ASCL5: variants seen among roughly 807,000 people sequenced by gnomAD.
ASCL5 encodes achaete-scute family bHLH transcription factor 5.
For synonymous variants in ASCL5, 124 were observed against 131.5 expected, an observed-to-expected ratio of 0.94 and a Z score of 0.39; for missense variants, 262 against 268.9, an observed-to-expected ratio of 0.97 and a Z score of 0.18.
At chr1:201,117,698 C>T (rs568742101) in intron 1 of ASCL5, among the ~76,000 whole-genome samples, 1 of 152,304 alleles carries the variant, frequency 6.6e-6, no homozygotes, top group African/African-American at 2.4e-5. Flanking sequence ...ATCCTTGATT[C>T]CAGCTCCTGC....
Position 201,124,941 on chromosome 1 carries a change from C to T in ASCL5, c.-506+2143G>A, listed in dbSNP as rs138353786. The stretch of plus-strand genomic sequence containing the variant: ...CTGGTGGCTGAGGCCCTCGCAGCTC[C>T]CTCTGTGTGCAGGCTGTCACTGGGA... On this transcript the variant is annotated intron_variant, in intron 1 of 1. Coordinates refer to ENST00000449188, the MANE Select transcript of ASCL5 (RefSeq NM_001270601.2). Among the ~76,000 whole-genome samples, 240 of 152,300 alleles carry T rather than the reference C, an allele frequency of 1.6e-3. 1 individual carries two copies. The East Asian group carries it at 0.017, about 11-fold the overall frequency.
In ASCL5 at chr1:201,121,245, A is replaced by AC. The variant is rs1432229192; in HGVS notation, c.-505-5369dup. 2.0e-5 allele frequency among the ~76,000 whole-genome samples: 3 copies of AC among 152,368 alleles called. No homozygotes were observed. The East Asian group carries it at 5.8e-4, about 29-fold the overall frequency. ...ACACTTAAAAAATGGTCTTAAGCCC[A>AC]CTAACATCAAATAGAATACACTTCA... On this transcript the variant is annotated intron_variant, in intron 1 of 1. Coordinates refer to ENST00000449188, the MANE Select transcript of ASCL5 (RefSeq NM_001270601.2).
chr1:201,120,762 C>T (rs1227253599), intron 1 of ASCL5, among the ~76,000 whole-genome samples: 1 of 152,218 alleles, frequency 6.6e-6, no homozygotes, highest in Admixed American at 6.5e-5. Context: ...GAACATGTCT[C>T]TTTCAACAGG....
At chr1:201,124,457 C>G (rs1302960368) in intron 1 of ASCL5, among the ~76,000 whole-genome samples, 5 of 152,216 alleles carry the variant, frequency 3.3e-5, no homozygotes, top group African/African-American at 4.8e-5. Flanking sequence ...GCCCTGGGGC[C>G]CATATTATTG....
rs1017245529 is a variant in ASCL5, at chr1:201,115,435, C to T, written c.-63G>A. ...CCGAATGGCCCCGGCTTGGGGTCTGCACCGTCTCCACCAGTGGGGCAAGTC... is the reference window on the plus strand; with the variant it reads ...CCGAATGGCCCCGGCTTGGGGTCTGTACCGTCTCCACCAGTGGGGCAAGTC... On this transcript the variant is annotated 5_prime_UTR_variant, in exon 2 of 2. Coordinates refer to ENST00000449188, the MANE Select transcript of ASCL5 (RefSeq NM_001270601.2). 5 of 1,210,680 alleles carry T rather than the reference C, an allele frequency of 4.1e-6. No homozygotes were observed. The Admixed American group carries it at 2.1e-4, about 51-fold the overall frequency. The allele number at this position is 1,210,680 out of a possible 1,614,324, so 75.0% of individuals were successfully genotyped here.
Position 201,114,487 on chromosome 1 carries a change from G to A in ASCL5, c.*265C>T, listed in dbSNP as rs911140960. On this transcript the variant is annotated 3_prime_UTR_variant, in exon 2 of 2. Coordinates refer to ENST00000449188, the MANE Select transcript of ASCL5 (RefSeq NM_001270601.2). ...CCCTCTGCACCCCGGAGGGGACGCA[G>A]GACGCCCGGAGCAGTCCCAGGCCCT... 5 of 316,684 alleles carry A rather than the reference G, an allele frequency of 1.6e-5. No homozygotes were observed. The highest frequency in any genetic ancestry group is 2.3e-5 in the Non-Finnish European group (4 of 174,332). The allele number at this position is 316,684 out of a possible 1,614,324, so 19.6% of individuals were successfully genotyped here.
In ASCL5 at chr1:201,114,896, G is replaced by A. The variant is rs1663302950; in HGVS notation, c.477C>T (p.Pro159=). 4.1e-6 allele frequency: 5 copies of A among 1,229,746 alleles called. No homozygotes were observed. Among genetic ancestry groups the A allele is most frequent in the Middle Eastern group, 3.1e-4 (1 of 3,202 alleles). 76.2% of individuals were successfully genotyped at this position (1,229,746 alleles called of 1,614,324 possible). A position where few individuals can be genotyped will look rare whatever the true frequency, so the allele number is the denominator to read the frequency against. Residue 159 remains proline, a synonymous_variant, in exon 2 of 2, where the codon CCC becomes CCT. Coordinates refer to ENST00000449188, the MANE Select transcript of ASCL5 (RefSeq NM_001270601.2). ...PASRGLPGTG[P]CPAPPATPRP... ...GGGGGGTGGCGGGCGGCGCGGGGCA[G>A]GGCCCGGTGCCCGGGAGGCCGCGGG...
At chr1:201,124,953 G>A (rs985882607) in intron 1 of ASCL5, among the ~76,000 whole-genome samples, 1 of 152,168 alleles carries the variant, frequency 6.6e-6, no homozygotes, top group Non-Finnish European at 1.5e-5. Flanking sequence ...TCTGTGTGCA[G>A]GCTGTCACTG....
At chr1:201,121,223 C>CT (rs1663452215) in intron 1 of ASCL5, among the ~76,000 whole-genome samples, 1 of 152,230 alleles carries the variant, frequency 6.6e-6, no homozygotes, top group Non-Finnish European at 1.5e-5. Flanking sequence ...CCACAGAACA[C>CT]TTAAAAAATG....
chr1:201,116,629 C>T (rs1663354320), intron 1 of ASCL5, among the ~76,000 whole-genome samples: 1 of 152,194 alleles, frequency 6.6e-6, no homozygotes, highest in East Asian at 1.9e-4. Context: ...ACTGATTACA[C>T]GTAGCCTTTC....
At chr1:201,117,309 GC>G (rs1663368758) in intron 1 of ASCL5, among the ~76,000 whole-genome samples, 1 of 152,038 alleles carries the variant, frequency 6.6e-6, no homozygotes, top group African/African-American at 2.4e-5. Flanking sequence ...AATGGTGGGT[GC>G]CTGTAATCCC....
Position 201,114,665 on chromosome 1 carries a change from C to T in ASCL5, c.*87G>A. ...ACAGTCACCGTCCTGCGGCGCATCG[C>T]GGGTGACCCAACAGCCTCCCGCTGC... On this transcript the variant is annotated 3_prime_UTR_variant, in exon 2 of 2. Coordinates refer to ENST00000449188, the MANE Select transcript of ASCL5 (RefSeq NM_001270601.2). The T allele has an allele frequency of 2.6e-6, 3 of 1,143,880 alleles. No homozygotes were observed. The highest frequency in any genetic ancestry group is 6.6e-4 in the Middle Eastern group (2 of 3,020). 70.9% of individuals were successfully genotyped at this position (1,143,880 alleles called of 1,614,324 possible).
At chr1:201,120,109 A>G (rs16847768) in intron 1 of ASCL5, among the ~76,000 whole-genome samples, 9,202 of 152,196 alleles carry the variant, frequency 0.06, 920 homozygotes, top group African/African-American at 0.21. Flanking sequence ...TGTACCATGT[A>G]CAGTTAGTTT....
intron 1 of ASCL5, among the ~76,000 whole-genome samples, chr1:201,123,583 G>T (rs1367220808): frequency 6.6e-6 from 1 of 152,196 alleles, no homozygotes; most frequent in Non-Finnish European, 1.5e-5. Flanking sequence ...GCTGATAAAT[G>T]TTGACCTGGG....
chr1:201,126,469 G>C (rs1238803118), intron 1 of ASCL5, among the ~76,000 whole-genome samples: 2 of 152,176 alleles, frequency 1.3e-5, no homozygotes, highest in Admixed American at 1.3e-4. Flanking sequence ...GCTTAAGTGA[G>C]TTTAAGGGGG....
At chr1:201,124,083 T>G (rs1663532770) in intron 1 of ASCL5, among the ~76,000 whole-genome samples, 1 of 152,174 alleles carries the variant, frequency 6.6e-6, no homozygotes, top group Non-Finnish European at 1.5e-5. Context: ...TCAAGAGTGT[T>G]TCTGAATGCT....
rs1483423738 is a variant in ASCL5, at chr1:201,114,926, G to A, written c.447C>T (p.Pro149=). The A allele has an allele frequency of 1.6e-6, 2 of 1,230,532 alleles. No individual in the cohort carries two copies. The highest frequency in any genetic ancestry group is 3.1e-5 in the African/African-American group (2 of 64,364). 76.2% of individuals were successfully genotyped at this position (1,230,532 alleles called of 1,614,324 possible). The change falls in exon 2 of 2, where the codon CCC becomes CCT. Residue 149 remains proline, a synonymous_variant. Coordinates refer to ENST00000449188, the MANE Select transcript of ASCL5 (RefSeq NM_001270601.2). ...LSSAPDGSTP[P]ASRGLPGTGP... ...CGGTGCCCGGGAGGCCGCGGGAAGC[G>A]GGGGGCGTCGAGCCGTCGGGGGCCG...
At position 201,114,875 on chromosome 1, in the gene ASCL5, G is replaced by A; in HGVS notation, c.498C>T (p.Thr166=). The A allele has an allele frequency of 8.1e-7, 1 of 1,228,466 alleles. No individual in the cohort carries two copies. Among genetic ancestry groups the A allele is most frequent in the Non-Finnish European group, 1.0e-6 (1 of 985,838 alleles). 76.1% of individuals were successfully genotyped at this position (1,228,466 alleles called of 1,614,324 possible). Residue 166 remains threonine, a synonymous_variant, in exon 2 of 2, where the codon ACC becomes ACT. Coordinates refer to ENST00000449188, the MANE Select transcript of ASCL5 (RefSeq NM_001270601.2). ...GTGPCPAPPA[T]PRPDRPGDGE... ...CGTCGCCAGGGCGGTCGGGACGGGG[G>A]GTGGCGGGCGGCGCGGGGCAGGGCC...
At chr1:201,126,767 A>G (rs1663587877) in intron 1 of ASCL5, among the ~76,000 whole-genome samples, 1 of 152,104 alleles carries the variant, frequency 6.6e-6, no homozygotes. Context: ...CCTGCTCCCA[A>G]GTTCAGACCC....
Sources: gnomAD v4.1 joint callset for allele counts (sites outside exome capture counted in the v4.1 genomes callset) on GRCh38, gnomAD v4.1.1 for gene constraint, MANE v1.5 for transcripts, NCBI Gene and HGNC (gene_info 2026-07-23, HGNC 2026-07-21) for gene names.